The following LSAMP variants were observed in gnomAD, a reference collection of about 807,000 sequenced individuals.
The protein encoded by LSAMP is limbic system associated membrane protein.
LSAMP carries 7 observed loss-of-function variants against 38.6 expected under a neutral mutation model. The ratio of observed to expected loss-of-function variants is 0.18; its 90% CI spans 0.10 to 0.34. LSAMP has a LOEUF of 0.34. Ranked by LOEUF, LSAMP falls within the 10% of genes least tolerant of loss-of-function variation. The probability of loss-of-function intolerance (pLI) is 1.00; values close to 1 mark genes in which losing one functional copy is unlikely to be tolerated. For synonymous variants in LSAMP, 154 were observed against 166.8 expected (o/e 0.92, Z 0.59); for missense variants, 313 against 420.0 (o/e 0.75, Z 2.23).
chr3:115,814,960 T>C (rs1249962486), intron 6 of LSAMP, among the ~76,000 whole-genome samples: 1 of 152,170 alleles, frequency 6.6e-6, no homozygotes, highest in Non-Finnish European at 1.5e-5. Context: ...TAAAATTGAC[T>C]TTGGCGCCAC....
chr3:115,857,290 C>CA, intron 3 of LSAMP, among the ~76,000 whole-genome samples: 1 of 152,298 alleles, frequency 6.6e-6, no homozygotes, highest in African/African-American at 2.4e-5. Context: ...CCTTTGCCCC[C>CA]ACGAGCCTGT....
intron 3 of LSAMP, among the ~76,000 whole-genome samples, chr3:115,997,707 T>C (rs1939853427): frequency 8.1e-6 from 1 of 122,846 alleles, no homozygotes; most frequent in Admixed American, 8.7e-5. Flanking sequence ...ACTATTGACA[T>C]TTTGGGATAT....
At chr3:115,942,824 T>C (rs958848816) in intron 3 of LSAMP, among the ~76,000 whole-genome samples, 1 of 152,160 alleles carries the variant, frequency 6.6e-6, no homozygotes, top group Non-Finnish European at 1.5e-5. Flanking sequence ...CTATCTTGAA[T>C]GTGTAGGTTT....
At chr3:116,197,312 C>T (rs1314437656) in intron 1 of LSAMP, among the ~76,000 whole-genome samples, 2 of 152,170 alleles carry the variant, frequency 1.3e-5, no homozygotes, top group Admixed American at 6.5e-5. Context: ...TAACTTTGTC[C>T]TTGTCACTTC....
chr3:116,413,517 G>A (rs1020261287), intron 1 of LSAMP, among the ~76,000 whole-genome samples: 3 of 151,826 alleles, frequency 2.0e-5, no homozygotes, highest in African/African-American at 7.3e-5. Flanking sequence ...TGCCACAAGG[G>A]GTGGAAAGGT....
Position 115,969,093 on chromosome 3 carries a change from TC to T in LSAMP, c.514+50421del, listed in dbSNP as rs1938923844. ...TTGTGTCGCAAGTCAAGAATGCCTT[TC>T]CTACCCGCTTCAGTGCCTCTTTCAG... On this transcript the variant is annotated intron_variant, in intron 3 of 6. Coordinates refer to ENST00000490035, the MANE Select transcript of LSAMP (RefSeq NM_002338.5). 4.6e-5 allele frequency among the ~76,000 whole-genome samples: 7 copies of T among 152,282 alleles called. No homozygotes were observed. In the South Asian group the frequency reaches 1.5e-3, roughly 32 times the overall value.
At chr3:116,314,580 A>G (rs181369089) in intron 1 of LSAMP, among the ~76,000 whole-genome samples, 4 of 152,342 alleles carry the variant, frequency 2.6e-5, no homozygotes, top group East Asian at 3.9e-4. Context: ...AAAATTCACA[A>G]TGGTGTTTGT....
At chr3:115,845,490 G>T (rs1223433422) in intron 4 of LSAMP, among the ~76,000 whole-genome samples, 1 of 152,166 alleles carries the variant, frequency 6.6e-6, no homozygotes, top group East Asian at 1.9e-4. Context: ...TGAAAAATTT[G>T]GGAAGAAGAA....
intron 6 of LSAMP, chr3:115,816,684 A>C (rs1934033338): frequency 8.3e-6 from 10 of 1,205,728 alleles, no homozygotes; most frequent in Non-Finnish European, 1.1e-5. Flanking sequence ...AAAACAAATA[A>C]AAAATCTTTA....
chr3:115,833,693 G>T (rs1033442359), intron 6 of LSAMP, among the ~76,000 whole-genome samples: 2 of 152,104 alleles, frequency 1.3e-5, no homozygotes, highest in Non-Finnish European at 1.5e-5. Flanking sequence ...TTTATGGTGT[G>T]TATGATAATC....
At chr3:116,251,232 A>G (rs1342881624) in intron 1 of LSAMP, among the ~76,000 whole-genome samples, 2 of 152,232 alleles carry the variant, frequency 1.3e-5, no homozygotes, top group East Asian at 1.9e-4. Context: ...CTGATTAAAC[A>G]TCAATTTAAC....
chr3:116,355,184 G>A (rs575854398), intron 1 of LSAMP, among the ~76,000 whole-genome samples: 1 of 151,952 alleles, frequency 6.6e-6, no homozygotes, highest in East Asian at 1.9e-4. Context: ...AATATCTGCA[G>A]TAAGGAAAAA....
intron 3 of LSAMP, among the ~76,000 whole-genome samples, chr3:116,018,585 T>C (rs1293042605): frequency 6.6e-6 from 1 of 152,222 alleles, no homozygotes; most frequent in East Asian, 1.9e-4. Context: ...AATTCACCTA[T>C]TGCCTATCTT....
intron 1 of LSAMP, among the ~76,000 whole-genome samples, chr3:116,316,796 GAGAA>G (rs1207709419): frequency 1.7e-5 from 2 of 118,720 alleles, no homozygotes; most frequent in African/African-American, 5.8e-5. Context: ...AAAAAAAAAA[GAGAA>G]AGAAAGAAAG....
chr3:116,103,745 A>T (rs1014626208), intron 1 of LSAMP, among the ~76,000 whole-genome samples: 3 of 152,042 alleles, frequency 2.0e-5, no homozygotes, highest in African/African-American at 7.2e-5. Flanking sequence ...TTCACATTAA[A>T]ATTATACCTC....
At position 116,075,630 on chromosome 3, in the gene LSAMP, T is replaced by G. The variant is rs189165899; in HGVS notation, c.388+10694A>C. Among the ~76,000 whole-genome samples the G allele has an allele frequency of 8.8e-3, 1,338 of 151,342 alleles. 16 individuals are homozygous for G. Among genetic ancestry groups the G allele is most frequent in the South Asian group, 0.018 (84 of 4,796 alleles). On this transcript the variant is annotated intron_variant, in intron 2 of 6. Coordinates refer to ENST00000490035, the MANE Select transcript of LSAMP (RefSeq NM_002338.5). Reference sequence around the variant, plus strand: ...AATCTCGGCTCACTGCAACCTCCGCTTTCTGGGTTCAAGTGATCTCCTGCC... The same window carrying G: ...AATCTCGGCTCACTGCAACCTCCGCGTTCTGGGTTCAAGTGATCTCCTGCC...
At chr3:116,129,436 C>A (rs1225634268) in intron 1 of LSAMP, among the ~76,000 whole-genome samples, 1 of 152,110 alleles carries the variant, frequency 6.6e-6, no homozygotes, top group Non-Finnish European at 1.5e-5. Flanking sequence ...AAATAGCATC[C>A]CCCTCTCCCA....
intron 3 of LSAMP, among the ~76,000 whole-genome samples, chr3:115,959,545 G>A (rs908140726): frequency 3.0e-4 from 45 of 152,338 alleles, no homozygotes; most frequent in African/African-American, 1.1e-3. Context: ...ACAATAAAAT[G>A]TAGTAGTTCG....
chr3:115,842,329 A>G, intron 5 of LSAMP, 129 bp downstream of exon 5: 1 of 1,261,798 alleles, frequency 7.9e-7, no homozygotes, highest in Non-Finnish European at 1.1e-6. Flanking sequence ...AAGAGATACT[A>G]AAAAGGAAGA....
Sources: allele counts gnomAD v4.1 joint callset (sites outside exome capture counted in the v4.1 genomes callset), GRCh38; gene constraint gnomAD v4.1.1; transcripts MANE v1.5; gene names NCBI Gene and HGNC (gene_info 2026-07-23, HGNC 2026-07-21).